NKAIN2: variants seen among roughly 807,000 people sequenced by gnomAD.
NKAIN2 encodes sodium/potassium-transporting ATPase subunit beta-1-interacting protein 2.
NKAIN2 carries 14 observed loss-of-function variants against 32.6 expected under a neutral mutation model. That is an observed-to-expected ratio of 0.43 (90% confidence interval 0.28 to 0.67). The LOEUF is 0.67. Among genes scored for constraint, NKAIN2 ranks in the 30% least tolerant of loss-of-function variants. The pLI is 0.17. For missense variants in NKAIN2, 198 were observed against 258.3 expected (o/e 0.77, Z 1.60); for synonymous variants, 80 against 87.2 (o/e 0.92, Z 0.46).
intron 2 of NKAIN2, among the ~76,000 whole-genome samples, chr6:124,333,686 C>A (rs150802801): frequency 8.0e-5 from 9 of 111,834 alleles, no homozygotes; most frequent in East Asian, 2.7e-4. Flanking sequence ...TAAATAAATA[C>A]ATAAATAAAT....
intron 3 of NKAIN2, among the ~76,000 whole-genome samples, chr6:124,391,852 C>G (rs1029449505): frequency 6.6e-6 from 1 of 152,122 alleles, no homozygotes; most frequent in Admixed American, 6.6e-5. Flanking sequence ...ATCCTTCCCC[C>G]TACCTAAGTC....
At position 124,803,599 on chromosome 6, in the gene NKAIN2, G is replaced by T. The variant is rs536018757; in HGVS notation, c.535+12200G>T. 3.9e-5 allele frequency among the ~76,000 whole-genome samples: 6 copies of T among 152,276 alleles called. No homozygotes were observed. The East Asian group carries it at 1.2e-3, about 29-fold the overall frequency. ...ATTTTTTTCTACAGTATGTCACACA[G>T]GCTGTTCCTGTTGCTTGTCCAATCA... On this transcript the variant is annotated intron_variant, in intron 5 of 6. Transcript: ENST00000368417.
At chr6:123,872,085 A>C (rs1772918783) in intron 1 of NKAIN2, among the ~76,000 whole-genome samples, 1 of 152,216 alleles carries the variant, frequency 6.6e-6, no homozygotes, top group Non-Finnish European at 1.5e-5. Flanking sequence ...GCATCACCAA[A>C]AATTACAATT....
intron 1 of NKAIN2, among the ~76,000 whole-genome samples, chr6:124,267,451 G>A (rs2626090): frequency 0.22 from 31,889 of 144,356 alleles, 3,602 homozygotes; most frequent in Admixed American, 0.26. Context: ...CGAGACCAGC[G>A]TGGCCAATAA....
chr6:124,079,664 C>G (rs1783860561), intron 1 of NKAIN2, among the ~76,000 whole-genome samples: 1 of 152,078 alleles, frequency 6.6e-6, no homozygotes, highest in African/African-American at 2.4e-5. Context: ...AGCTATCCTC[C>G]TTTTTTCCTC....
At chr6:124,300,904 A>T (rs1290470938) in intron 2 of NKAIN2, among the ~76,000 whole-genome samples, 1 of 152,218 alleles carries the variant, frequency 6.6e-6, no homozygotes, top group East Asian at 1.9e-4. Context: ...TTGCAGCCTG[A>T]TATTGCAGTG....
chr6:124,579,099 C>A (rs1485119865), intron 3 of NKAIN2, among the ~76,000 whole-genome samples: 1 of 152,152 alleles, frequency 6.6e-6, no homozygotes, highest in African/African-American at 2.4e-5. Context: ...ACACCCAAAT[C>A]CCTATGAATA....
intron 3 of NKAIN2, among the ~76,000 whole-genome samples, chr6:124,601,628 A>G (rs1782311035): frequency 6.6e-6 from 1 of 152,056 alleles, no homozygotes. Flanking sequence ...AGAGTGCCTT[A>G]TATGATTAGG....
intron 4 of NKAIN2, among the ~76,000 whole-genome samples, chr6:124,698,194 C>T (rs1022387019): frequency 2.6e-5 from 4 of 152,248 alleles, no homozygotes; most frequent in East Asian, 3.9e-4. Context: ...TTATCTAAGC[C>T]AGTTTGCAGT....
chr6:124,121,646 A>T (rs545439884), intron 1 of NKAIN2, among the ~76,000 whole-genome samples: 1 of 152,228 alleles, frequency 6.6e-6, no homozygotes, highest in African/African-American at 2.4e-5. Flanking sequence ...CACTATTCAG[A>T]TGTAGGGGTT....
At chr6:124,111,548 G>T (rs145767369) in intron 1 of NKAIN2, among the ~76,000 whole-genome samples, 1 of 151,946 alleles carries the variant, frequency 6.6e-6, no homozygotes, top group African/African-American at 2.4e-5. Context: ...TAATATATGG[G>T]ATATCATTTT....
intron 3 of NKAIN2, among the ~76,000 whole-genome samples, chr6:124,361,274 A>G (rs1269533618): frequency 6.6e-6 from 1 of 152,072 alleles, no homozygotes; most frequent in Non-Finnish European, 1.5e-5. Flanking sequence ...AAAAACCTAT[A>G]TTTTATTGCA....
intron 1 of NKAIN2, among the ~76,000 whole-genome samples, chr6:124,138,953 G>T (rs893157523): frequency 2.6e-5 from 4 of 150,996 alleles, no homozygotes; most frequent in Non-Finnish European, 5.9e-5. Context: ...AGGGATAAAA[G>T]ACTACATATT....
chr6:124,815,634 T>C (rs1425527713), intron 5 of NKAIN2, among the ~76,000 whole-genome samples: 1 of 152,032 alleles, frequency 6.6e-6, no homozygotes, highest in Non-Finnish European at 1.5e-5. Context: ...GTTCTTCTGG[T>C]ACTGTTTATA....
intron 4 of NKAIN2, among the ~76,000 whole-genome samples, chr6:124,774,631 A>C (rs141503949): frequency 8.5e-5 from 13 of 152,166 alleles, no homozygotes; most frequent in African/African-American, 2.2e-4. Context: ...TGAGGCAGGC[A>C]GACCACCCAA....
At chr6:123,925,893 A>G (rs1775981988) in intron 1 of NKAIN2, among the ~76,000 whole-genome samples, 1 of 152,222 alleles carries the variant, frequency 6.6e-6, no homozygotes, top group Admixed American at 6.5e-5. Context: ...TAGCTTATAT[A>G]AACAACATAA....
At chr6:124,751,015 C>T (rs1325164316) in intron 4 of NKAIN2, among the ~76,000 whole-genome samples, 1 of 152,040 alleles carries the variant, frequency 6.6e-6, no homozygotes, top group African/African-American at 2.4e-5. Context: ...AGGAAAGTTT[C>T]ACCAGCCAAC....
chr6:123,991,484 C>CT (rs1779408901), intron 1 of NKAIN2, among the ~76,000 whole-genome samples: 2 of 35,324 alleles, frequency 5.7e-5, no homozygotes, highest in Admixed American at 3.8e-4. Context: ...GCGGGGAGTT[C>CT]AAAGCAACAG....
chr6:124,479,381 A>G (rs1777357873), intron 3 of NKAIN2, among the ~76,000 whole-genome samples: 1 of 152,194 alleles, frequency 6.6e-6, no homozygotes, highest in South Asian at 2.1e-4. Flanking sequence ...ACTTTCTTCA[A>G]AACCTTTTGG....
Sources: gnomAD v4.1 joint callset for allele counts (sites outside exome capture counted in the v4.1 genomes callset) on GRCh38, gnomAD v4.1.1 for gene constraint, MANE v1.5 for transcripts, NCBI Gene and HGNC (gene_info 2026-07-23, HGNC 2026-07-21) for gene names.